Variants in MDFIC2 observed in about 807,000 individuals in gnomAD.
The protein encoded by MDFIC2 is myoD family inhibitor domain-containing protein 2.
intron 2 of MDFIC2, among the ~76,000 whole-genome samples, chr3:70,224,597 C>A (rs1018709257): frequency 1.6e-4 from 25 of 152,222 alleles, no homozygotes; most frequent in African/African-American, 6.0e-4. Flanking sequence ...TTACAACTGC[C>A]CCTTTGGCTT....
At chr3:70,208,251 T>C (rs889108170) in intron 2 of MDFIC2, among the ~76,000 whole-genome samples, 2 of 152,068 alleles carry the variant, frequency 1.3e-5, no homozygotes, top group Non-Finnish European at 2.9e-5. Flanking sequence ...GTTAACGCAA[T>C]GCCTGGTTGG....
chr3:70,264,868 A>C (rs887509227), intron 2 of MDFIC2, among the ~76,000 whole-genome samples: 5 of 152,174 alleles, frequency 3.3e-5, no homozygotes, highest in African/African-American at 1.2e-4. Flanking sequence ...AAGACATACC[A>C]TAGACTGGGT....
chr3:70,251,659 T>A (rs895861261), intron 2 of MDFIC2, among the ~76,000 whole-genome samples: 19 of 152,202 alleles, frequency 1.2e-4, no homozygotes, highest in Non-Finnish European at 4.4e-5. Flanking sequence ...GCATTGAGAA[T>A]ATTATAATAT....
intron 2 of MDFIC2, among the ~76,000 whole-genome samples, chr3:70,290,758 C>T (rs1050977257): frequency 6.6e-6 from 1 of 152,198 alleles, no homozygotes; most frequent in Non-Finnish European, 1.5e-5. Context: ...GTTATAATCT[C>T]GTGGTGCGCC....
chr3:70,252,871 G>C (rs904593585), intron 2 of MDFIC2, among the ~76,000 whole-genome samples: 1 of 151,912 alleles, frequency 6.6e-6, no homozygotes, highest in Non-Finnish European at 1.5e-5. Context: ...CCTGAGGTCA[G>C]GAGTTCGAGA....
chr3:70,287,211 T>C (rs1200088992), intron 2 of MDFIC2, among the ~76,000 whole-genome samples: 2 of 138,808 alleles, frequency 1.4e-5, no homozygotes, highest in East Asian at 4.0e-4. Context: ...AGATAGCTCT[T>C]ATTATTTTGA....
At chr3:70,216,636 G>A (rs1369163103) in intron 2 of MDFIC2, among the ~76,000 whole-genome samples, 2 of 152,050 alleles carry the variant, frequency 1.3e-5, no homozygotes, top group Non-Finnish European at 2.9e-5. Flanking sequence ...ATGTATTATA[G>A]ATGTTACCGT....
intron 2 of MDFIC2, among the ~76,000 whole-genome samples, chr3:70,284,034 C>G (rs1702116125): frequency 6.6e-6 from 1 of 152,036 alleles, no homozygotes; most frequent in Non-Finnish European, 1.5e-5. Flanking sequence ...GAGGTATTGG[C>G]TATTGGTTTT....
intron 2 of MDFIC2, among the ~76,000 whole-genome samples, chr3:70,260,057 T>A (rs769695666): frequency 4.6e-5 from 7 of 152,172 alleles, no homozygotes; most frequent in Non-Finnish European, 8.8e-5. Flanking sequence ...TAGGTTATAA[T>A]TCAAGATGAG....
chr3:70,195,699 A>G lies in MDFIC2; in HGVS notation c.*1227T>C, dbSNP rs1464288422. Among the ~76,000 whole-genome samples the G allele has an allele frequency of 2.0e-5, 3 of 152,132 alleles. No homozygotes were observed. The highest frequency in any genetic ancestry group is 4.4e-5 in the Non-Finnish European group (3 of 68,008). ...GGTTACTCATGCATGATGCTTTTTT[A>G]TATTCAGTGAAAATATTAAGATATA... On this transcript the variant is annotated 3_prime_UTR_variant, in exon 4 of 4. Coordinates refer to ENST00000567252, the MANE Select transcript of MDFIC2 (RefSeq NM_001364677.1).
chr3:70,282,130 A>G (rs1702091263), intron 2 of MDFIC2, among the ~76,000 whole-genome samples: 1 of 152,126 alleles, frequency 6.6e-6, no homozygotes, highest in Non-Finnish European at 1.5e-5. Context: ...GAAATGGGTC[A>G]GGGAACCAAA....
At chr3:70,251,992 A>G (rs183384285) in intron 2 of MDFIC2, among the ~76,000 whole-genome samples, 1 of 152,348 alleles carries the variant, frequency 6.6e-6, no homozygotes, top group East Asian at 1.9e-4. Context: ...GTGTTAAGGA[A>G]CTAAAATTGA....
At chr3:70,215,470 G>A (rs1701399935) in intron 2 of MDFIC2, among the ~76,000 whole-genome samples, 2 of 151,938 alleles carry the variant, frequency 1.3e-5, no homozygotes, top group Non-Finnish European at 1.5e-5. Flanking sequence ...TTTTATGTAG[G>A]TTCAAACCTA....
intron 1 of MDFIC2, among the ~76,000 whole-genome samples, chr3:70,312,248 T>A (rs954258766): frequency 6.6e-6 from 1 of 152,214 alleles, no homozygotes; most frequent in Non-Finnish European, 1.5e-5. Flanking sequence ...AATAACAGAT[T>A]AACAACTAGC....
At chr3:70,252,288 C>T (rs1177415878) in intron 2 of MDFIC2, among the ~76,000 whole-genome samples, 1 of 152,098 alleles carries the variant, frequency 6.6e-6, no homozygotes. Context: ...GTATCGTATG[C>T]TGTGATTTTC....
intron 2 of MDFIC2, among the ~76,000 whole-genome samples, chr3:70,301,423 A>G (rs1702347692): frequency 1.3e-5 from 2 of 152,072 alleles, no homozygotes; most frequent in Non-Finnish European, 1.5e-5. Context: ...TCTGAATCCT[A>G]TGGTAAACAG....
intron 3 of MDFIC2, among the ~76,000 whole-genome samples, chr3:70,201,179 T>G (rs1701234432): frequency 6.6e-6 from 1 of 152,150 alleles, no homozygotes; most frequent in African/African-American, 2.4e-5. Context: ...TTATTTTTCC[T>G]GATCCTCTCC....
intron 2 of MDFIC2, among the ~76,000 whole-genome samples, chr3:70,282,916 T>A (rs1420274093): frequency 7.9e-5 from 12 of 152,070 alleles, no homozygotes; most frequent in Admixed American, 7.9e-4. Context: ...GATGAAATAG[T>A]AAAAGGGGTA....
chr3:70,249,971 G>A (rs1701745196), intron 2 of MDFIC2, among the ~76,000 whole-genome samples: 2 of 152,150 alleles, frequency 1.3e-5, no homozygotes. Flanking sequence ...AGATCCACTA[G>A]CCTAGCTGGT....
Sources: allele counts gnomAD v4.1 joint callset (sites outside exome capture counted in the v4.1 genomes callset), GRCh38; gene constraint gnomAD v4.1.1; transcripts MANE v1.5; gene names NCBI Gene and HGNC (gene_info 2026-07-23, HGNC 2026-07-21).